Variants in COX10 observed in about 807,000 individuals in gnomAD.
The protein encoded by COX10 is protoheme IX farnesyltransferase, mitochondrial.
A neutral mutation model predicts 37.3 loss-of-function variants in COX10; 27 were observed. The observed-to-expected ratio is 0.72, with a 90% CI of 0.53 to 1.00. The LOEUF (loss-of-function observed/expected upper bound fraction) is 1.00. COX10 is among the 50% of genes least tolerant of loss of function. The pLI, the probability that COX10 is intolerant of heterozygous loss-of-function variation, is 0.00. For synonymous variants in COX10, 222 were observed against 229.1 expected (o/e 0.97, Z 0.28); for missense variants, 475 against 563.2 (o/e 0.84, Z 1.59).
intron 3 of COX10, among the ~76,000 whole-genome samples, chr17:14,101,430 C>T (rs72816632): frequency 0.11 from 16,750 of 152,258 alleles, 1,192 homozygotes; most frequent in Middle Eastern, 0.17. Context: ...TGCATATCAG[C>T]ACCACTCTTG....
intron 5 of COX10, among the ~76,000 whole-genome samples, chr17:14,184,730 A>G (rs924033572): frequency 3.9e-5 from 6 of 152,326 alleles, no homozygotes; most frequent in Admixed American, 3.9e-4. Flanking sequence ...ATATAATGAA[A>G]GACAACTGAA....
chr17:14,096,746 C>T (rs1473755484), intron 3 of COX10, among the ~76,000 whole-genome samples: 1 of 152,054 alleles, frequency 6.6e-6, no homozygotes, highest in Non-Finnish European at 1.5e-5. Context: ...CTGGAGAAGG[C>T]AGAGGCAGAT....
At chr17:14,129,360 A>T (rs1384886449) in intron 4 of COX10, among the ~76,000 whole-genome samples, 1 of 152,062 alleles carries the variant, frequency 6.6e-6, no homozygotes, top group Non-Finnish European at 1.5e-5. Flanking sequence ...TAAATAATGT[A>T]ACCTTTCCTC....
intron 5 of COX10, among the ~76,000 whole-genome samples, chr17:14,182,820 A>C: frequency 6.6e-6 from 1 of 150,738 alleles, no homozygotes; most frequent in Non-Finnish European, 1.5e-5. Flanking sequence ...TCTTGACTTA[A>C]CATTTCATAG....
intron 3 of COX10, among the ~76,000 whole-genome samples, chr17:14,091,582 A>T (rs1915528474): frequency 1.3e-5 from 2 of 152,210 alleles, no homozygotes; most frequent in African/African-American, 4.8e-5. Context: ...TTAGGTCCAG[A>T]TGTAAATCAT....
At chr17:14,090,599 A>G (rs1915505879) in intron 3 of COX10, among the ~76,000 whole-genome samples, 1 of 152,176 alleles carries the variant, frequency 6.6e-6, no homozygotes, top group African/African-American at 2.4e-5. Context: ...GAGAGTGACT[A>G]CTTGGAGCAT....
intron 4 of COX10, among the ~76,000 whole-genome samples, chr17:14,145,093 TAGGAAA>T (rs1281749841): frequency 6.8e-6 from 1 of 146,626 alleles, no homozygotes; most frequent in African/African-American, 2.5e-5. Context: ...GGGATGATAG[TAGGAAA>T]AGGAGGGAGT....
At position 14,088,038 on chromosome 17, in the gene COX10, A is replaced by C. The variant is rs149215877; in HGVS notation, c.499+10982A>C. 4.9e-3 allele frequency among the ~76,000 whole-genome samples: 749 copies of C among 152,232 alleles called. 14 individuals are homozygous for C. Among genetic ancestry groups the C allele is most frequent in the Admixed American group, 0.033 (500 of 15,290 alleles). ...CTCTAAGCTCTCCTGCACTGTGGTG[A>C]CAAAGGGACTTTCTGGGGAGTGGGC... On this transcript the variant is annotated intron_variant, in intron 3 of 6. Transcript: ENST00000261643.
At chr17:14,133,404 TTTAAA>T (rs1173895868) in intron 4 of COX10, among the ~76,000 whole-genome samples, 7 of 151,654 alleles carry the variant, frequency 4.6e-5, no homozygotes, top group African/African-American at 1.4e-4. Flanking sequence ...ACTATTAATT[TTTAAA>T]TTAAATTAGG....
At chr17:14,092,583 T>A (rs1381644232) in intron 3 of COX10, among the ~76,000 whole-genome samples, 4 of 152,080 alleles carry the variant, frequency 2.6e-5, no homozygotes, top group African/African-American at 9.7e-5. Flanking sequence ...ATCAATTGAC[T>A]TTTCATCTGA....
In COX10 at chr17:14,163,826, GT is replaced by G. The variant is rs1412465825; in HGVS notation, c.695+3886del. On this transcript the variant is annotated intron_variant, in intron 5 of 6. Coordinates refer to ENST00000261643, the MANE Select transcript of COX10 (RefSeq NM_001303.4). ...TTCATTTGTCTGATTTTCTTTTTTA[GT>G]TTTTTTCTTTCTCTCTTTTCAGTTT... 5.3e-5 allele frequency among the ~76,000 whole-genome samples: 8 copies of G among 152,056 alleles called. No homozygotes were observed. In the East Asian group the frequency reaches 1.2e-3, roughly 22 times the overall value.
rs1030976140 is a variant in COX10 at position 14,075,525 on chromosome 17, T to C, written c.177+1069T>C. ...GTTAAAGAGAGAGAAAGAGAGGAGA[T>C]ACTAATAATGATCTATCTTCTTTGA... On this transcript the variant is annotated intron_variant, in intron 2 of 6. Coordinates refer to ENST00000261643, the MANE Select transcript of COX10 (RefSeq NM_001303.4). Among the ~76,000 whole-genome samples the C allele has an allele frequency of 5.1e-4, 77 of 152,232 alleles. 3 individuals are homozygous for C. The highest frequency in any genetic ancestry group is 8.8e-5 in the Non-Finnish European group (6 of 68,040).
intron 5 of COX10, among the ~76,000 whole-genome samples, chr17:14,174,202 G>A (rs1309410025): frequency 1.3e-5 from 2 of 152,112 alleles, no homozygotes; most frequent in East Asian, 1.9e-4. Context: ...GCTCAGGCCT[G>A]TAATCCTAGC....
chr17:14,172,772 C>T (rs549051999), intron 5 of COX10, among the ~76,000 whole-genome samples: 3 of 151,884 alleles, frequency 2.0e-5, no homozygotes, highest in African/African-American at 4.8e-5. Context: ...TGGCCGGTTT[C>T]GAACTCCTGG....
intron 5 of COX10, among the ~76,000 whole-genome samples, chr17:14,160,454 C>T (rs1417006059): frequency 1.3e-5 from 2 of 152,140 alleles, no homozygotes; most frequent in African/African-American, 4.8e-5. Context: ...AATAATTAAA[C>T]ATTTTACTTC....
chr17:14,120,331 G>T (rs771620471), intron 4 of COX10, among the ~76,000 whole-genome samples: 22 of 152,164 alleles, frequency 1.4e-4, no homozygotes, highest in Non-Finnish European at 2.8e-4. Flanking sequence ...CATAGAGATG[G>T]TAATTATAGC....
At chr17:14,141,022 A>G (rs760790333) in intron 4 of COX10, among the ~76,000 whole-genome samples, 5 of 152,146 alleles carry the variant, frequency 3.3e-5, no homozygotes, top group Admixed American at 1.3e-4. Flanking sequence ...TTCAGAATTC[A>G]TACATGGATA....
intron 4 of COX10, among the ~76,000 whole-genome samples, chr17:14,152,943 A>G (rs1031145255): frequency 1.1e-4 from 17 of 152,198 alleles, no homozygotes; most frequent in African/African-American, 1.9e-4. Context: ...CAACAGATTC[A>G]CAATTGTGTG....
chr17:14,125,340 GGTT>G (rs1916317356), intron 4 of COX10, among the ~76,000 whole-genome samples: 2 of 152,260 alleles, frequency 1.3e-5, no homozygotes, highest in South Asian at 2.1e-4. Context: ...TGGAATTTTA[GGTT>G]GTTATTTGTA....
Sources: allele counts gnomAD v4.1 joint callset (sites outside exome capture counted in the v4.1 genomes callset), GRCh38; gene constraint gnomAD v4.1.1; transcripts MANE v1.5; gene names NCBI Gene and HGNC (gene_info 2026-07-23, HGNC 2026-07-21).